The following TNRC6A variants were observed in gnomAD, a reference collection of about 807,000 sequenced individuals.
TNRC6A encodes trinucleotide repeat containing adaptor 6A.
TNRC6A carries 44 observed loss-of-function variants against 221.2 expected under a neutral mutation model. The ratio of observed to expected loss-of-function variants is 0.20; its 90% CI spans 0.16 to 0.26. The LOEUF is 0.26. Ranked by LOEUF, TNRC6A falls within the 10% of genes least tolerant of loss-of-function variation. The pLI is 1.00. For missense variants in TNRC6A, 2,199 were observed against 2,404.4 expected, an observed-to-expected ratio of 0.91 and a Z score of 1.79; for synonymous variants, 847 against 838.5, an observed-to-expected ratio of 1.01 and a Z score of -0.18.
intron 5 of TNRC6A, among the ~76,000 whole-genome samples, chr16:24,788,720 C>T (rs978990841): frequency 1.3e-5 from 2 of 150,730 alleles, no homozygotes; most frequent in Admixed American, 1.3e-4. Flanking sequence ...ACTATCTCCG[C>T]TCACTGCAAG....
chr16:24,642,505 G>C (rs1687910996), intron 2 of TNRC6A, among the ~76,000 whole-genome samples: 1 of 152,130 alleles, frequency 6.6e-6, no homozygotes, highest in South Asian at 2.1e-4. Context: ...CTCAGAAGTA[G>C]AGGATAAGGA....
At chr16:24,725,538 C>T (rs893377529), upstream of TNRC6A, among the ~76,000 whole-genome samples, 1 of 152,056 alleles carries the variant, frequency 6.6e-6, no homozygotes, top group Admixed American at 6.6e-5. Flanking sequence ...TCCTCTCCCC[C>T]TCCCCAGCTC....
chr16:24,748,763 T>C (rs981839331), intron 2 of TNRC6A, among the ~76,000 whole-genome samples: 13 of 152,156 alleles, frequency 8.5e-5, no homozygotes, highest in African/African-American at 3.1e-4. Flanking sequence ...GCACTTGTCT[T>C]TCTCCTTTTA....
intron 2 of TNRC6A, among the ~76,000 whole-genome samples, chr16:24,706,071 C>G (rs954487432): frequency 6.6e-6 from 1 of 152,080 alleles, no homozygotes; most frequent in Non-Finnish European, 1.5e-5. Flanking sequence ...GGAAGAAAAC[C>G]TTGTACTTAA....
chr16:24,701,857 C>A (rs1020111610), intron 2 of TNRC6A, among the ~76,000 whole-genome samples: 2 of 152,196 alleles, frequency 1.3e-5, no homozygotes, highest in East Asian at 3.8e-4. Context: ...GGAAGAGAGA[C>A]TGGACTCCTT....
At chr16:24,647,951 A>G (rs929879879) in intron 2 of TNRC6A, among the ~76,000 whole-genome samples, 6 of 152,130 alleles carry the variant, frequency 3.9e-5, no homozygotes, top group African/African-American at 1.2e-4. Context: ...TAGGAAATTC[A>G]TATGTGTAGA....
At chr16:24,773,832 G>A (rs1434767924) in intron 4 of TNRC6A, among the ~76,000 whole-genome samples, 4 of 150,588 alleles carry the variant, frequency 2.7e-5, no homozygotes, top group Admixed American at 2.6e-4. Flanking sequence ...AATTTTCTTA[G>A]CCTTTCTTGG....
chr16:24,798,852 T>C (rs997134384), intron 11 of TNRC6A, among the ~76,000 whole-genome samples: 7 of 152,210 alleles, frequency 4.6e-5, no homozygotes, highest in Non-Finnish European at 8.8e-5. Flanking sequence ...TACAAGACTT[T>C]AACAAGGAAT....
chr16:24,812,398 G>A (rs541836018), intron 18 of TNRC6A, among the ~76,000 whole-genome samples: 6 of 152,182 alleles, frequency 3.9e-5, no homozygotes, highest in African/African-American at 1.4e-4. Flanking sequence ...TTGAGACAAT[G>A]GGGAAATGGC....
intron 2 of TNRC6A, among the ~76,000 whole-genome samples, chr16:24,687,056 A>ATT (rs2055640888): frequency 6.6e-6 from 1 of 152,128 alleles, no homozygotes; most frequent in Admixed American, 6.6e-5. Context: ...TTGAGGTTTA[A>ATT]ATAAGTGAAT....
At chr16:24,740,770 A>G (rs564502395) in intron 2 of TNRC6A, among the ~76,000 whole-genome samples, 4 of 152,316 alleles carry the variant, frequency 2.6e-5, no homozygotes, top group Admixed American at 2.0e-4. Flanking sequence ...ATCTTGTAAA[A>G]TGGAAACTCT....
rs557866811 is a variant in TNRC6A at position 24,825,972 on chromosome 16, G to A, written c.*2165G>A. The stretch of plus-strand genomic sequence containing the variant: ...TTGCCAGGTGTGAGCTAATGTTGTC[G>A]GACACCTTACTATAAGCAAATGTTA... On this transcript the variant is annotated 3_prime_UTR_variant, in exon 25 of 25. Transcript: ENST00000395799. 3 of 152,652 alleles carry A rather than the reference G, an allele frequency of 2.0e-5. No homozygotes were observed. Among genetic ancestry groups the A allele is most frequent in the Admixed American group, 6.5e-5 (1 of 15,294 alleles). The allele number at this position is 152,652 out of a possible 1,614,324, so 9.5% of individuals were successfully genotyped here.
At chr16:24,776,743 G>A (rs1289986339) in intron 4 of TNRC6A, 190 bp from the exon 5 acceptor site, 1 of 985,302 alleles carries the variant, frequency 1.0e-6, no homozygotes, top group Non-Finnish European at 1.2e-6. Flanking sequence ...GGTAGCAGAA[G>A]TGAAATATGA....
intron 2 of TNRC6A, among the ~76,000 whole-genome samples, chr16:24,696,728 CAAAAAA>C (rs1251210834): frequency 4.4e-5 from 2 of 45,148 alleles, no homozygotes; most frequent in East Asian, 1.5e-3. Context: ...GACCCTGTCT[CAAAAAA>C]AAAAAAAAAA....
Position 24,823,295 on chromosome 16 carries a change from C to T in TNRC6A, c.5514-137C>T. ...CACACTCGGGTGAAGGGAGGGCACG[C>T]AGGTTATGTGGTGTAGTCTCTCCCT... On this transcript the variant is annotated intron_variant, in intron 24 of 24. Transcript: ENST00000395799. This position sits in a 1 kb window ranked among gnomAD's most constrained non-coding sequence, Gnocchi z 4.3. The T allele has an allele frequency of 3.5e-6, 4 of 1,129,818 alleles. No individual in the cohort carries two copies. The highest frequency in any genetic ancestry group is 1.5e-5 in the South Asian group (1 of 64,728). 70.0% of individuals were successfully genotyped at this position (1,129,818 alleles called of 1,614,324 possible). A position where few individuals can be genotyped will look rare whatever the true frequency, so the allele number is the denominator to read the frequency against.
In TNRC6A at chr16:24,790,186, G is replaced by A. The variant is rs747171223; in HGVS notation, c.1544G>A (p.Gly515Glu). The change falls in exon 6 of 25, where the codon GGA becomes GAA. Residue 515 changes from glycine (G) to glutamate (E), a missense_variant. By Grantham distance (98) the Gly-to-Glu change is moderately conservative (BLOSUM62 -2). Coordinates refer to ENST00000395799, the MANE Select transcript of TNRC6A (RefSeq NM_014494.4). ...SHLSNGESKSGGSYGTTWGAY... is the reference protein window; with the variant it reads ...SHLSNGESKSEGSYGTTWGAY... ...CTTAGCAATGGAGAGTCAAAAAGTGGAGGCTCTTATGGTACTACATGGGGT... is the reference window on the plus strand; with the variant it reads ...CTTAGCAATGGAGAGTCAAAAAGTGAAGGCTCTTATGGTACTACATGGGGT... The A allele has an allele frequency of 1.9e-6, 3 of 1,614,220 alleles. No homozygotes were observed. The South Asian group carries it at 3.3e-5, about 18-fold the overall frequency.
intron 8 of TNRC6A, among the ~76,000 whole-genome samples, chr16:24,795,193 T>A (rs1275716361): frequency 2.0e-5 from 3 of 152,210 alleles, no homozygotes; most frequent in Non-Finnish European, 4.4e-5. Flanking sequence ...AGGAATGATC[T>A]GAGCTTGGTT....
In TNRC6A at chr16:24,729,690, G is replaced by GCGGCGGCGGTGT. The variant is rs2056569975; in HGVS notation, c.-143_-142insTGTCGGCGGCGG. ...GCCTGCGGCGGCGGCGGTGTCGGCG[G>GCGGCGGCGGTGT]CGGCGGCGGCGGCGGCGGCGGCGGC... On this transcript the variant is annotated 5_prime_UTR_variant, in exon 1 of 25. Transcript: ENST00000395799. The GCGGCGGCGGTGT allele has an allele frequency of 5.1e-6, 3 of 585,600 alleles. No individual in the cohort carries two copies. In the East Asian group the frequency reaches 1.9e-4, roughly 38 times the overall value. 36.3% of individuals were successfully genotyped at this position (585,600 alleles called of 1,614,324 possible).
chr16:24,752,664 A>G (rs2057164690), intron 3 of TNRC6A, among the ~76,000 whole-genome samples: 2 of 152,236 alleles, frequency 1.3e-5, no homozygotes, highest in African/African-American at 4.8e-5. Flanking sequence ...GTAAAGGCTT[A>G]TCAGACTCTT....
Sources: gnomAD v4.1 joint callset for allele counts (sites outside exome capture counted in the v4.1 genomes callset) on GRCh38, gnomAD v4.1.1 for gene constraint, Gnocchi (gnomAD v3.1) non-coding constraint, MANE v1.5 for transcripts, NCBI Gene and HGNC (gene_info 2026-07-23, HGNC 2026-07-21) for gene names.